The following ADAM20 variants were observed in gnomAD, a reference collection of about 807,000 sequenced individuals.
The protein encoded by ADAM20 is disintegrin and metalloproteinase domain-containing protein 20.
For missense variants in ADAM20, 871 were observed against 883.2 expected, an observed-to-expected ratio of 0.99 and a Z score of 0.18; for synonymous variants, 305 against 310.2, an observed-to-expected ratio of 0.98 and a Z score of 0.18.
chr14:70,545,372 T>C, the ADAM20 span, among the ~76,000 whole-genome samples: 164 of 152,294 alleles, frequency 1.1e-3, no homozygotes, highest in African/African-American at 3.7e-3. Context: ...AGGTTTTGCA[T>C]TGAACTCAGT....
chr14:70,524,014 CA>C lies in ADAM20; in HGVS notation c.743del (p.Leu248TrpfsTer5). 2 of 1,613,874 alleles carry C rather than the reference CA, an allele frequency of 1.2e-6. No individual in the cohort carries two copies. Among genetic ancestry groups the C allele is most frequent in the Non-Finnish European group, 1.7e-6 (2 of 1,179,916 alleles). ...VNIVDSFYHP[L>X]EVDVILTGID... Reference sequence around the variant, plus strand: ...TTCCAGTCAAAATTACATCAACCTCCAAAGGATGATAGAAGGAATCCACTAT... The same window carrying C: ...TTCCAGTCAAAATTACATCAACCTCCAAGGATGATAGAAGGAATCCACTAT... On this transcript the variant is annotated frameshift_variant, in exon 2 of 2. Transcript: ENST00000256389. LOFTEE classifies it low-confidence loss of function (END_TRUNC).
chr14:70,569,582 T>C, the ADAM20 span, among the ~76,000 whole-genome samples: 34 of 151,998 alleles, frequency 2.2e-4, no homozygotes, highest in African/African-American at 8.0e-4. Context: ...ACATCTATCA[T>C]GCAAATGAAA....
intron 1 of ADAM20, among the ~76,000 whole-genome samples, chr14:70,528,348 G>C (rs1267406562): frequency 6.6e-6 from 1 of 152,194 alleles, no homozygotes; most frequent in Non-Finnish European, 1.5e-5. Context: ...TTTAGATATG[G>C]TTGTGAGGAA....
the ADAM20 span, among the ~76,000 whole-genome samples, chr14:70,557,719 G>C: frequency 6.6e-6 from 1 of 152,052 alleles, no homozygotes. Flanking sequence ...TTTGAATGCA[G>C]CCCAACACAA....
At chr14:70,575,899 T>C in the ADAM20 span, among the ~76,000 whole-genome samples, 7 of 152,144 alleles carry the variant, frequency 4.6e-5, no homozygotes, top group Non-Finnish European at 7.4e-5. Context: ...ACAATATGGA[T>C]AGACAGAAGA....
the ADAM20 span, among the ~76,000 whole-genome samples, chr14:70,568,706 T>C: frequency 0.016 from 2,461 of 152,006 alleles, 43 homozygotes; most frequent in African/African-American, 0.039. Context: ...AAATTGAAAA[T>C]TTTGCTAAAG....
the ADAM20 span, among the ~76,000 whole-genome samples, chr14:70,563,118 T>C: frequency 2.0e-5 from 3 of 152,126 alleles, no homozygotes; most frequent in Non-Finnish European, 2.9e-5. Flanking sequence ...AATGAACACA[T>C]TGTCACTGCT....
chr14:70,533,707 T>G (rs1021328157), intron 1 of ADAM20, among the ~76,000 whole-genome samples: 1 of 151,814 alleles, frequency 6.6e-6, no homozygotes, highest in African/African-American at 2.4e-5. Context: ...CCATGGCACA[T>G]GTATACCTAT....
At chr14:70,553,290 C>A in the ADAM20 span, among the ~76,000 whole-genome samples, 4 of 71,014 alleles carry the variant, frequency 5.6e-5, no homozygotes, top group Non-Finnish European at 7.7e-5. Flanking sequence ...GCACATGTAC[C>A]CTAAAACTTA....
the ADAM20 span, among the ~76,000 whole-genome samples, chr14:70,576,749 A>G: frequency 6.6e-6 from 1 of 152,186 alleles, no homozygotes; most frequent in Non-Finnish European, 1.5e-5. Flanking sequence ...ATGAGGGGGA[A>G]GGAGAATGGG....
the ADAM20 span, among the ~76,000 whole-genome samples, chr14:70,560,535 A>T: frequency 6.7e-4 from 102 of 152,248 alleles, no homozygotes; most frequent in South Asian, 5.6e-3. Flanking sequence ...AAATTATAAA[A>T]TTTTTTCAAA....
At chr14:70,541,554 T>A in the ADAM20 span, among the ~76,000 whole-genome samples, 1 of 152,180 alleles carries the variant, frequency 6.6e-6, no homozygotes, top group East Asian at 1.9e-4. Flanking sequence ...TACCTTACGG[T>A]CAAACATTAA....
chr14:70,577,426 G>C, the ADAM20 span, among the ~76,000 whole-genome samples: 1 of 152,146 alleles, frequency 6.6e-6, no homozygotes, highest in Non-Finnish European at 1.5e-5. Flanking sequence ...TATAAAATGT[G>C]TTTGATAAAA....
At chr14:70,568,213 T>C in the ADAM20 span, among the ~76,000 whole-genome samples, 1 of 152,194 alleles carries the variant, frequency 6.6e-6, no homozygotes, top group Non-Finnish European at 1.5e-5. Flanking sequence ...GTTCAATACA[T>C]CGCTACAACA....
chr14:70,545,745 T>TA, the ADAM20 span, among the ~76,000 whole-genome samples: 1 of 152,178 alleles, frequency 6.6e-6, no homozygotes, highest in Non-Finnish European at 1.5e-5. Flanking sequence ...AAGCAAGAGA[T>TA]AGACTCCAAT....
At chr14:70,525,357 C>T (rs1883567205) in intron 1 of ADAM20, among the ~76,000 whole-genome samples, 1 of 152,052 alleles carries the variant, frequency 6.6e-6, no homozygotes, top group African/African-American at 2.4e-5. Context: ...TGCAGGCATG[C>T]ATTGCAACAG....
chr14:70,574,141 A>T, the ADAM20 span, among the ~76,000 whole-genome samples: 1 of 152,370 alleles, frequency 6.6e-6, no homozygotes, highest in South Asian at 2.1e-4. Flanking sequence ...AGAAGACTGA[A>T]ATATTTTTTC....
chr14:70,525,891 G>C (rs1383944148), intron 1 of ADAM20, among the ~76,000 whole-genome samples: 1 of 152,020 alleles, frequency 6.6e-6, no homozygotes, highest in African/African-American at 2.4e-5. Context: ...TTTGGGACAG[G>C]GCACACAGCC....
chr14:70,571,165 G>T, the ADAM20 span, among the ~76,000 whole-genome samples: 1 of 152,056 alleles, frequency 6.6e-6, no homozygotes, highest in Non-Finnish European at 1.5e-5. Flanking sequence ...GGGCAAATTT[G>T]AATGAATTCC....
Sources: gnomAD v4.1 joint callset for allele counts (sites outside exome capture counted in the v4.1 genomes callset) on GRCh38, gnomAD v4.1.1 for gene constraint, MANE v1.5 for transcripts, NCBI Gene and HGNC (gene_info 2026-07-23, HGNC 2026-07-21) for gene names.